YWHAQ: variants seen among roughly 807,000 people sequenced by gnomAD.
The protein encoded by YWHAQ is 14-3-3 protein theta.
Under a neutral mutation model 28.3 loss-of-function variants are expected in YWHAQ, and 6 were observed. That is an observed-to-expected ratio of 0.21 (90% CI 0.12 to 0.42). The LOEUF is 0.42. Among genes scored for constraint, YWHAQ ranks in the 10% least tolerant of loss-of-function variants. The probability of loss-of-function intolerance (pLI) is 1.00; values close to 1 mark genes in which losing one functional copy is unlikely to be tolerated. For synonymous variants in YWHAQ, 143 were observed against 119.1 expected (o/e 1.20, Z -1.31); for missense variants, 201 against 305.6 (o/e 0.66, Z 2.55).
chr2:9,590,903 GATT>G (rs765352224), intron 3 of YWHAQ, among the ~76,000 whole-genome samples: 4 of 152,128 alleles, frequency 2.6e-5, no homozygotes, highest in Non-Finnish European at 5.9e-5. Flanking sequence ...TCAGAAATCT[GATT>G]ATATGTAATT....
intron 2 of YWHAQ, among the ~76,000 whole-genome samples, chr2:9,623,419 G>A (rs1420196635): frequency 2.0e-5 from 3 of 152,190 alleles, no homozygotes; most frequent in Admixed American, 6.5e-5. Context: ...ATGCAACAAC[G>A]ATCTTCTTCC....
chr2:9,615,286 A>T (rs1225732437), intron 2 of YWHAQ: 1 of 152,124 alleles, frequency 6.6e-6, no homozygotes, highest in Non-Finnish European at 1.5e-5. Context: ...GAAGGTAAGG[A>T]GTTATCTTGA....
chr2:9,587,526 T>C lies in YWHAQ; in HGVS notation c.583-17A>G, dbSNP rs1164114567. ...ATCAAAAGCCTGATAAATATTAATATCCATGGTAAAATATGTGCATTGACG... is the reference window on the plus strand; with the variant it reads ...ATCAAAAGCCTGATAAATATTAATACCCATGGTAAAATATGTGCATTGACG... On this transcript the variant is annotated splice_polypyrimidine_tract_variant and intron_variant, in intron 4 of 5. Transcript: ENST00000238081. 1.3e-6 allele frequency: 2 copies of C among 1,573,490 alleles called. No individual in the cohort carries two copies. The highest frequency in any genetic ancestry group is 1.7e-6 in the Non-Finnish European group (2 of 1,159,510).
intron 2 of YWHAQ, chr2:9,628,936 G>A (rs1321943407): frequency 1.3e-5 from 2 of 151,584 alleles, no homozygotes; most frequent in African/African-American, 2.4e-5. Context: ...TGTCCGGATC[G>A]CCTGTCATCG....
chr2:9,600,610 AAGG>A (rs1183287973), intron 2 of YWHAQ, among the ~76,000 whole-genome samples: 7 of 152,022 alleles, frequency 4.6e-5, no homozygotes, highest in African/African-American at 1.7e-4. Flanking sequence ...GAGGCTAAAG[AAGG>A]AGAATTGATT....
chr2:9,602,742 A>G (rs2125066598), intron 2 of YWHAQ, among the ~76,000 whole-genome samples: 1 of 148,838 alleles, frequency 6.7e-6, no homozygotes, highest in Admixed American at 6.8e-5. Context: ...CATCTTGCAC[A>G]GACTGGTAAC....
At chr2:9,615,435 G>C (rs1330816373) in intron 2 of YWHAQ, 3 of 151,582 alleles carry the variant, frequency 2.0e-5, no homozygotes. Context: ...CTAGAGCAAA[G>C]GTAAGAAAGT....
chr2:9,627,392 C>T (rs976357865), intron 2 of YWHAQ, among the ~76,000 whole-genome samples: 1 of 152,208 alleles, frequency 6.6e-6, no homozygotes, highest in African/African-American at 2.4e-5. Flanking sequence ...TATGTTAGCA[C>T]GCATGTTCAA....
intron 2 of YWHAQ, among the ~76,000 whole-genome samples, chr2:9,623,578 A>T (rs1667187271): frequency 6.6e-6 from 1 of 152,144 alleles, no homozygotes; most frequent in Non-Finnish European, 1.5e-5. Flanking sequence ...GTTTGAGACC[A>T]ACCTGACCAA....
chr2:9,629,764 A>T lies in YWHAQ; in HGVS notation c.294+395T>A, dbSNP rs532430836. On this transcript the variant is annotated intron_variant, in intron 2 of 5. Coordinates refer to ENST00000238081, the MANE Select transcript of YWHAQ (RefSeq NM_006826.4). Reference sequence around the variant, plus strand: ...AAATCCCTACTACATTGTCTGTAACAAAAAGGTGCCTGCGCCTTCTTTCAA... The same window carrying T: ...AAATCCCTACTACATTGTCTGTAACTAAAAGGTGCCTGCGCCTTCTTTCAA... Among the ~76,000 whole-genome samples, 3 of 152,354 alleles carry T rather than the reference A, an allele frequency of 2.0e-5. 1 individual carries two copies. In the East Asian group the frequency reaches 5.8e-4, roughly 29 times the overall value.
At chr2:9,588,055 A>G in intron 4 of YWHAQ, 110 bp downstream of exon 4, 4 of 1,298,126 alleles carry the variant, frequency 3.1e-6, no homozygotes, top group Non-Finnish European at 4.1e-6. Flanking sequence ...TTCAAAATAA[A>G]TATAGTAGAA....
intron 2 of YWHAQ, among the ~76,000 whole-genome samples, chr2:9,596,790 G>A (rs1161392261): frequency 2.0e-5 from 3 of 151,606 alleles, no homozygotes; most frequent in African/African-American, 4.9e-5. Context: ...TGCATCCTTC[G>A]CCTCCCGGTT....
intron 2 of YWHAQ, among the ~76,000 whole-genome samples, chr2:9,621,128 C>A (rs1667134220): frequency 6.6e-6 from 1 of 152,112 alleles, no homozygotes; most frequent in Admixed American, 6.5e-5. Flanking sequence ...GAATGAAATG[C>A]AATGCCGCTA....
intron 5 of YWHAQ, among the ~76,000 whole-genome samples, chr2:9,587,188 T>C (rs911503892): frequency 6.6e-6 from 1 of 152,170 alleles, no homozygotes; most frequent in Non-Finnish European, 1.5e-5. Context: ...ATAGTAATAT[T>C]AATATTGAGT....
intron 2 of YWHAQ, among the ~76,000 whole-genome samples, chr2:9,624,875 T>C (rs187645387): frequency 5.3e-5 from 8 of 151,526 alleles, no homozygotes; most frequent in Non-Finnish European, 1.0e-4. Flanking sequence ...CCCAAGTAAC[T>C]GGGATTACAG....
intron 5 of YWHAQ, among the ~76,000 whole-genome samples, chr2:9,585,912 CA>C (rs34640890): frequency 0.5 from 60,808 of 121,954 alleles, 14,772 homozygotes; most frequent in African/African-American, 0.66. Flanking sequence ...GATCCTTTCT[CA>C]AAAAAAAAAA....
intron 2 of YWHAQ, among the ~76,000 whole-genome samples, chr2:9,597,360 T>C (rs1666592082): frequency 6.6e-6 from 1 of 152,108 alleles, no homozygotes; most frequent in African/African-American, 2.4e-5. Context: ...ACTCTAAGAA[T>C]TGTTGGGGCA....
chr2:9,589,752 G>C (rs1011845968), intron 3 of YWHAQ, among the ~76,000 whole-genome samples: 3 of 152,042 alleles, frequency 2.0e-5, no homozygotes, highest in African/African-American at 7.2e-5. Context: ...TCAATAAATA[G>C]GACAAAATCT....
intron 3 of YWHAQ, among the ~76,000 whole-genome samples, chr2:9,589,204 T>C (rs1666408093): frequency 6.6e-6 from 1 of 152,190 alleles, no homozygotes; most frequent in Non-Finnish European, 1.5e-5. Flanking sequence ...TTATAGTAAA[T>C]CAGACTTTTT....
Sources: allele counts gnomAD v4.1 joint callset (sites outside exome capture counted in the v4.1 genomes callset), GRCh38; gene constraint gnomAD v4.1.1; transcripts MANE v1.5; gene names NCBI Gene and HGNC (gene_info 2026-07-23, HGNC 2026-07-21).